The following ENOX1 variants were observed in gnomAD, a reference collection of about 807,000 sequenced individuals.
ENOX1 encodes the protein ecto-NOX disulfide-thiol exchanger 1, also known as candidate growth-related and time keeping constitutive hydroquinone (NADH) oxidase.
Under a neutral mutation model 82.5 loss-of-function variants are expected in ENOX1, and 42 were observed. That is an observed-to-expected ratio of 0.51 (90% CI 0.40 to 0.66). The LOEUF (loss-of-function observed/expected upper bound fraction) is 0.66, where lower values mean the gene tolerates loss of function less well. ENOX1 is among the 30% of genes least tolerant of loss of function. The pLI, the probability that ENOX1 is intolerant of heterozygous loss-of-function variation, is 0.00. For missense variants in ENOX1, 608 were observed against 811.6 expected, an observed-to-expected ratio of 0.75 and a Z score of 3.05; for synonymous variants, 271 against 282.2, an observed-to-expected ratio of 0.96 and a Z score of 0.40.
Position 43,442,259 on chromosome 13 carries a change from T to C in ENOX1, c.-74-29271A>G, listed in dbSNP as rs991144320. Among the ~76,000 whole-genome samples the C allele has an allele frequency of 2.6e-5, 4 of 152,330 alleles. No homozygotes were observed. The East Asian group carries it at 5.8e-4, about 22-fold the overall frequency. Reference sequence around the variant, plus strand: ...TAAAGGTACTCAACATTTCTAGTATTGTTTACTGAAAAAGGTCAACACTCA... The same window carrying C: ...TAAAGGTACTCAACATTTCTAGTATCGTTTACTGAAAAAGGTCAACACTCA... On this transcript the variant is annotated intron_variant, in intron 3 of 16. Coordinates refer to ENST00000690772, the MANE Select transcript of ENOX1 (RefSeq NM_001347969.2).
At chr13:43,347,933 A>G (rs2049497904) in intron 8 of ENOX1, among the ~76,000 whole-genome samples, 1 of 152,188 alleles carries the variant, frequency 6.6e-6, no homozygotes, top group African/African-American at 2.4e-5. Context: ...GAAATTACCC[A>G]CCGTTTTCTA....
At chr13:43,407,526 C>T (rs141392739) in intron 5 of ENOX1, among the ~76,000 whole-genome samples, 7,461 of 152,162 alleles carry the variant, frequency 0.049, 532 homozygotes, top group African/African-American at 0.15. Flanking sequence ...TACCTATCAA[C>T]CCATCATCTA....
At chr13:43,427,054 G>T (rs1331474953) in intron 3 of ENOX1, among the ~76,000 whole-genome samples, 1 of 152,172 alleles carries the variant, frequency 6.6e-6, no homozygotes, top group Non-Finnish European at 1.5e-5. Context: ...GAAATGCAAT[G>T]ACACAGTTCT....
At chr13:43,543,117 G>T (rs915693686) in intron 2 of ENOX1, among the ~76,000 whole-genome samples, 7 of 152,136 alleles carry the variant, frequency 4.6e-5, no homozygotes, top group African/African-American at 1.7e-4. Context: ...AGGGGAGTAT[G>T]TATGTTACAC....
At chr13:43,530,508 T>A (rs2078165043) in intron 2 of ENOX1, among the ~76,000 whole-genome samples, 1 of 152,092 alleles carries the variant, frequency 6.6e-6, no homozygotes, top group Non-Finnish European at 1.5e-5. Flanking sequence ...AGCAGAACTA[T>A]CTCATGTGCA....
At chr13:43,607,843 T>G (rs997878663) in intron 2 of ENOX1, among the ~76,000 whole-genome samples, 1 of 152,180 alleles carries the variant, frequency 6.6e-6, no homozygotes, top group African/African-American at 2.4e-5. Flanking sequence ...TGGGTAGATA[T>G]AAGGATTCTC....
chr13:43,646,436 T>G (rs2083898224), intron 2 of ENOX1, among the ~76,000 whole-genome samples: 1 of 152,220 alleles, frequency 6.6e-6, no homozygotes, highest in Non-Finnish European at 1.5e-5. Flanking sequence ...GCTCACGCAG[T>G]TAGGGCAAAA....
rs77781202 is a variant in ENOX1, at chr13:43,371,229, GC to G, written c.209-9778del. On this transcript the variant is annotated intron_variant, in intron 5 of 16. Coordinates refer to ENST00000690772, the MANE Select transcript of ENOX1 (RefSeq NM_001347969.2). ...TATGGTGCGGGAGCAGACAGTAGGG[GC>G]AAAAAATTATTAAATATTGAGAAAT... Among the ~76,000 whole-genome samples, 172 of 152,230 alleles carry G rather than the reference GC, an allele frequency of 1.1e-3. 3 individuals carry two copies. In the East Asian group the frequency reaches 0.031, roughly 27 times the overall value.
chr13:43,619,947 T>A (rs2082650927), intron 2 of ENOX1, among the ~76,000 whole-genome samples: 1 of 152,178 alleles, frequency 6.6e-6, no homozygotes, highest in Non-Finnish European at 1.5e-5. Context: ...TATTGGTCTG[T>A]TCAGGGTATC....
At chr13:43,469,826 C>CA (rs2057908594) in intron 3 of ENOX1, among the ~76,000 whole-genome samples, 1 of 151,044 alleles carries the variant, frequency 6.6e-6, no homozygotes. Flanking sequence ...TTGTAAAAAA[C>CA]AAAAAAAGAA....
In ENOX1 at chr13:43,715,302, C is replaced by T. The variant is rs1594536601; in HGVS notation, c.-284-47758G>A. Among the ~76,000 whole-genome samples the T allele has an allele frequency of 5.9e-5, 9 of 152,246 alleles. No homozygotes were observed. In the South Asian group the frequency reaches 1.9e-3, roughly 32 times the overall value. ...TCCGCTGTTAGTCTGATGGGCTTCC[C>T]TTTGTGGGTAACCCGACCTTTCTCT... is the stretch of plus-strand genomic sequence containing the variant. On this transcript the variant is annotated intron_variant, in intron 1 of 16. Coordinates refer to ENST00000690772, the MANE Select transcript of ENOX1 (RefSeq NM_001347969.2).
chr13:43,425,084 G>T (rs903661294), intron 3 of ENOX1, among the ~76,000 whole-genome samples: 1 of 152,166 alleles, frequency 6.6e-6, no homozygotes, highest in Admixed American at 6.5e-5. Flanking sequence ...AGGCAGATTA[G>T]GGGGCACAGA....
At chr13:43,350,813 A>G (rs539617379) in intron 8 of ENOX1, among the ~76,000 whole-genome samples, 1 of 152,274 alleles carries the variant, frequency 6.6e-6, no homozygotes, top group East Asian at 1.9e-4. Flanking sequence ...AATAGATAGG[A>G]TAAGAGCCAA....
At chr13:43,727,590 T>C (rs2089065135) in intron 1 of ENOX1, among the ~76,000 whole-genome samples, 1 of 152,062 alleles carries the variant, frequency 6.6e-6, no homozygotes, top group Non-Finnish European at 1.5e-5. Flanking sequence ...GGGCCGCGGG[T>C]AGACAGAAAG....
At chr13:43,624,335 T>C (rs1211702461) in intron 2 of ENOX1, among the ~76,000 whole-genome samples, 1 of 152,204 alleles carries the variant, frequency 6.6e-6, no homozygotes, top group Non-Finnish European at 1.5e-5. Context: ...CTTTCTCAGA[T>C]ATCTGCTTTG....
intron 5 of ENOX1, among the ~76,000 whole-genome samples, chr13:43,372,452 G>T (rs190476940): frequency 9.5e-4 from 144 of 152,248 alleles, no homozygotes; most frequent in African/African-American, 3.4e-3. Flanking sequence ...AACACAGAGG[G>T]GCAGTAGGGT....
At chr13:43,575,640 A>C (rs142571241) in intron 2 of ENOX1, among the ~76,000 whole-genome samples, 1 of 152,344 alleles carries the variant, frequency 6.6e-6, no homozygotes, top group African/African-American at 2.4e-5. Flanking sequence ...TGTGGTTATT[A>C]ACAGCTACCA....
intron 2 of ENOX1, among the ~76,000 whole-genome samples, chr13:43,631,001 T>A (rs76377216): frequency 6.6e-6 from 1 of 152,154 alleles, no homozygotes; most frequent in African/African-American, 2.4e-5. Flanking sequence ...CACTTTGAAC[T>A]CTGCTTTATT....
At chr13:43,250,948 T>C (rs1343318718) in intron 14 of ENOX1, among the ~76,000 whole-genome samples, 2 of 152,194 alleles carry the variant, frequency 1.3e-5, no homozygotes. Context: ...AAAAGTATGG[T>C]CCACAGACTG....
Sources: gnomAD v4.1 joint callset for allele counts (sites outside exome capture counted in the v4.1 genomes callset) on GRCh38, gnomAD v4.1.1 for gene constraint, MANE v1.5 for transcripts, NCBI Gene and HGNC (gene_info 2026-07-23, HGNC 2026-07-21) for gene names.